Variants in DRP2 observed in about 807,000 individuals in gnomAD.
DRP2 encodes dystrophin related protein 2.
A neutral mutation model predicts 78.2 loss-of-function variants in DRP2; 29 were observed. The ratio of observed to expected loss-of-function variants is 0.37; its 90% CI spans 0.28 to 0.51. The LOEUF is 0.51. DRP2 is among the 20% of genes least tolerant of loss of function. The pLI, the probability that DRP2 is intolerant of heterozygous loss-of-function variation, is 0.94. For missense variants in DRP2, 686 were observed against 770.6 expected, an observed-to-expected ratio of 0.89 and a Z score of 1.30; for synonymous variants, 290 against 281.9, an observed-to-expected ratio of 1.03 and a Z score of -0.29.
At chrX:101,241,293 G>C (rs1051652987) in intron 6 of DRP2, among the ~76,000 whole-genome samples, 1 of 109,734 alleles carries the variant, frequency 9.1e-6, no homozygotes, top group African/African-American at 3.3e-5. Context: ...AGTAAAACTG[G>C]GGAAACTTGG....
At position 101,243,000 on chromosome X, in the gene DRP2, G is replaced by T; in HGVS notation, c.1054+18G>T. 1 of 1,201,008 alleles carries T rather than the reference G, an allele frequency of 8.3e-7. No individual in the cohort carries two copies. Among genetic ancestry groups the T allele is most frequent in the East Asian group, 3.0e-5 (1 of 33,796 alleles). On this transcript the variant is annotated intron_variant, in intron 9 of 23. Transcript: ENST00000395209. ...TCTCTCCTGTACGTGAACCAAACTGGACTCCACTTAGCAGAACCTCAGCCA... is the reference window on the plus strand; with the variant it reads ...TCTCTCCTGTACGTGAACCAAACTGTACTCCACTTAGCAGAACCTCAGCCA...
At chrX:101,241,607 CTCTT>C in intron 6 of DRP2, 57 bp from the exon 7 acceptor site, 4 of 1,172,263 alleles carry the variant, frequency 3.4e-6, no homozygotes, top group South Asian at 3.8e-5. Context: ...CTGTTTCTGT[CTCTT>C]TCTTTGAGCT....
chrX:101,220,485 G>A (rs1444854690), intron 1 of DRP2, among the ~76,000 whole-genome samples: 2 of 110,540 alleles, frequency 1.8e-5, no homozygotes, highest in African/African-American at 6.6e-5. Context: ...TGAATAAGAA[G>A]GAGGTACACA....
In DRP2 at chrX:101,241,703, C is replaced by T. The variant is rs766584694; in HGVS notation, c.595C>T (p.Arg199Cys). 1.9e-5 allele frequency: 23 copies of T among 1,209,887 alleles called. No individual in the cohort carries two copies. Among genetic ancestry groups the T allele is most frequent in the Middle Eastern group, 2.3e-4 (1 of 4,356 alleles). Residue 199 changes from arginine to cysteine, a missense_variant, in exon 7 of 24, where the codon CGC becomes TGC. By Grantham distance (180) the Arg-to-Cys change is radical. Transcript: ENST00000395209. ...SPKQRIQNLSRFVWKQATVAS... is the reference protein window; with the variant it reads ...SPKQRIQNLSCFVWKQATVAS... Reference sequence around the variant, plus strand: ...GAAACAGCGGATCCAGAATCTCAGCCGCTTTGTATGGAAGCAGGCGACGGT... The same window carrying T: ...GAAACAGCGGATCCAGAATCTCAGCTGCTTTGTATGGAAGCAGGCGACGGT...
intron 14 of DRP2, among the ~76,000 whole-genome samples, chrX:101,248,984 A>G (rs2238994): frequency 0.39 from 42,727 of 110,943 alleles, 6,362 homozygotes; most frequent in African/African-American, 0.52. Context: ...GACTTCTTAT[A>G]TACACAGGCA....
chrX:101,224,185 T>TTTTTTG (rs1569507486), intron 1 of DRP2, among the ~76,000 whole-genome samples: 6 of 67,021 alleles, frequency 9.0e-5, no homozygotes, highest in Non-Finnish European at 1.3e-4. Context: ...TTGCTGGGTT[T>TTTTTTG]TTTTTGTTTT....
intron 16 of DRP2, 131 bp downstream of exon 16, chrX:101,251,214 C>A: frequency 1.7e-6 from 1 of 585,224 alleles, no homozygotes. Flanking sequence ...TTATTATATA[C>A]TGTTATAATC....
rs769431035 is a variant in DRP2 at position 101,253,258 on chromosome X, G to A, written c.1977+542G>A. 4.5e-5 allele frequency among the ~76,000 whole-genome samples: 5 copies of A among 110,996 alleles called. No homozygotes were observed. In the South Asian group the frequency reaches 1.9e-3, roughly 43 times the overall value. ...TACCTGGACCCCCAAACTCCACTTGGTTTTCCCTGGTAACCATGTCCTCCA... is the reference window on the plus strand; with the variant it reads ...TACCTGGACCCCCAAACTCCACTTGATTTTCCCTGGTAACCATGTCCTCCA... On this transcript the variant is annotated intron_variant, in intron 17 of 23. Coordinates refer to ENST00000395209, the MANE Select transcript of DRP2 (RefSeq NM_001939.3).
chrX:101,233,574 G>A (rs908480258), intron 3 of DRP2, among the ~76,000 whole-genome samples: 3 of 112,097 alleles, frequency 2.7e-5, no homozygotes, highest in Non-Finnish European at 3.8e-5. Context: ...ACCCTTTTTG[G>A]TAAAAACGAT....
At chrX:101,249,848 A>T (rs1297876713) in intron 14 of DRP2, among the ~76,000 whole-genome samples, 2 of 112,219 alleles carry the variant, frequency 1.8e-5, no homozygotes, top group Non-Finnish European at 3.8e-5. Context: ...TAAGTATCAT[A>T]GTAGATTCCA....
At chrX:101,257,554 T>C (rs1405881580) in intron 21 of DRP2, among the ~76,000 whole-genome samples, 2 of 109,729 alleles carry the variant, frequency 1.8e-5, no homozygotes, top group Non-Finnish European at 3.8e-5. Flanking sequence ...GAGACCAGTT[T>C]GAGTGTTGTT....
At chrX:101,247,977 G>T in intron 12 of DRP2, 112 bp from the exon 13 acceptor site, 1 of 657,633 alleles carries the variant, frequency 1.5e-6, no homozygotes, top group African/African-American at 2.2e-5. Context: ...GCAAATGGTT[G>T]ATCTGGAGAT....
Position 101,246,895 on chromosome X carries a change from A to T in DRP2, c.1178-195A>T, listed in dbSNP as rs971644981. On this transcript the variant is annotated intron_variant, in intron 11 of 23. Transcript: ENST00000395209. The stretch of plus-strand genomic sequence containing the variant: ...TGTGACTGTTCCATTTTACTAGGTG[A>T]TACCAAGTTGTTTTCAAAGATGATT... Among the ~76,000 whole-genome samples the T allele has an allele frequency of 4.5e-5, 5 of 112,029 alleles. 1 individual carries two copies. In the Middle Eastern group the frequency reaches 0.018, roughly 411 times the overall value.
rs1008377307 is a variant in DRP2, at chrX:101,237,536, C to A, written c.282-83C>A. On this transcript the variant is annotated intron_variant, in intron 4 of 23. Coordinates refer to ENST00000395209, the MANE Select transcript of DRP2 (RefSeq NM_001939.3). The stretch of plus-strand genomic sequence containing the variant: ...TGAATTTGTTTTCTATATTAAAGTT[C>A]CATATAACTTAGTTTGGAAAAAAAA... 3 of 962,161 alleles carry A rather than the reference C, an allele frequency of 3.1e-6. No homozygotes were observed. In the Admixed American group the frequency reaches 1.1e-4, roughly 35 times the overall value. The allele number at this position is 962,161 out of a possible 1,213,427, so 79.3% of individuals were successfully genotyped here. A position where few individuals can be genotyped will look rare whatever the true frequency, so the allele number is the denominator to read the frequency against.
At chrX:101,242,509 C>G in intron 8 of DRP2, 38 bp downstream of exon 8, 5 of 1,183,834 alleles carry the variant, frequency 4.2e-6, no homozygotes, top group Non-Finnish European at 5.7e-6. Context: ...GGGGAGGTGC[C>G]TCCATATAAC....
At chrX:101,247,995 A>G in intron 12 of DRP2, 94 bp from the exon 13 acceptor site, 1 of 803,837 alleles carries the variant, frequency 1.2e-6, no homozygotes, top group East Asian at 3.2e-5. Flanking sequence ...GATTGAGTCA[A>G]ATTTGGTGAT....
chrX:101,225,798 A>G (rs1006285850), intron 2 of DRP2, among the ~76,000 whole-genome samples: 15 of 112,045 alleles, frequency 1.3e-4, no homozygotes, highest in African/African-American at 4.8e-4. Context: ...TTTATCTCCT[A>G]TTGGCAACAT....
intron 2 of DRP2, among the ~76,000 whole-genome samples, chrX:101,230,223 C>T (rs1281911992): frequency 8.9e-6 from 1 of 112,253 alleles, no homozygotes; most frequent in Non-Finnish European, 1.9e-5. Flanking sequence ...GCAGGGGGCT[C>T]TTTCTAAAAT....
At chrX:101,239,234 T>C (rs1010821008) in intron 6 of DRP2, 133 bp downstream of exon 6, 4 of 876,421 alleles carry the variant, frequency 4.6e-6, no homozygotes, top group Non-Finnish European at 6.1e-6. Context: ...CAGGAGTCCA[T>C]CCAAAGTTGG....
Sources: gnomAD v4.1 joint callset for allele counts (sites outside exome capture counted in the v4.1 genomes callset) on GRCh38, gnomAD v4.1.1 for gene constraint, MANE v1.5 for transcripts, NCBI Gene and HGNC (gene_info 2026-07-23, HGNC 2026-07-21) for gene names.